PSG8: variants seen among roughly 807,000 people sequenced by gnomAD.
PSG8 encodes pregnancy-specific beta-1-glycoprotein 8.
PSG8 carries 57 observed loss-of-function variants against 42.5 expected under a neutral mutation model. That is an observed-to-expected ratio of 1.34 (90% CI 1.08 to 1.67). The LOEUF is 1.67. Among genes scored for constraint, PSG8 ranks in the 40% most tolerant of loss-of-function variants. The probability of loss-of-function intolerance (pLI) is 0.00; values close to 1 mark genes in which losing one functional copy is unlikely to be tolerated. For synonymous variants in PSG8, 280 were observed against 196.8 expected, an observed-to-expected ratio of 1.42 and a Z score of -3.54; for missense variants, 783 against 518.6, an observed-to-expected ratio of 1.51 and a Z score of -4.95.
At chr19:42,761,606 G>A (rs997368281) in intron 2 of PSG8, among the ~76,000 whole-genome samples, 1 of 151,978 alleles carries the variant, frequency 6.6e-6, no homozygotes, top group African/African-American at 2.4e-5. Context: ...AGATTTAAGG[G>A]CAAACAGATC....
Position 42,763,824 on chromosome 19 carries a change from C to A in PSG8, c.430+92G>T. Reference sequence around the variant, plus strand: ...GCATGGGACATAATGCAGAGAGGGACACAGGCAATGTCCAGGCCTGACAAT... The same window carrying A: ...GCATGGGACATAATGCAGAGAGGGAAACAGGCAATGTCCAGGCCTGACAAT... On this transcript the variant is annotated intron_variant, in intron 2 of 4. Transcript: ENST00000306511. The A allele has an allele frequency of 2.0e-5, 32 of 1,601,104 alleles. 1 individual carries two copies. Among genetic ancestry groups the A allele is most frequent in the Non-Finnish European group, 2.7e-5 (32 of 1,168,766 alleles).
At chr19:42,760,436 A>C (rs1330877725) in intron 2 of PSG8, among the ~76,000 whole-genome samples, 2 of 152,130 alleles carry the variant, frequency 1.3e-5, no homozygotes, top group Non-Finnish European at 2.9e-5. Flanking sequence ...TGAAGTTGAA[A>C]TGTTGTTCCA....
Position 42,765,613 on chromosome 19 carries a change from G to T in PSG8, c.-32C>A. ...TGCTGTCTGTGTGTTCTCCTCTGTG[G>T]AGATGAGCCTAGGATCCAGAAGCTT... On this transcript the variant is annotated 5_prime_UTR_variant, in exon 1 of 5. Coordinates refer to ENST00000306511, the MANE Select transcript of PSG8 (RefSeq NM_182707.3). 1 of 1,606,530 alleles carries T rather than the reference G, an allele frequency of 6.2e-7. No individual in the cohort carries two copies. Among genetic ancestry groups the T allele is most frequent in the Non-Finnish European group, 8.5e-7 (1 of 1,175,106 alleles).
chr19:42,756,998 G>A (rs574860147), intron 3 of PSG8, among the ~76,000 whole-genome samples: 21 of 151,786 alleles, frequency 1.4e-4, no homozygotes, highest in South Asian at 1.3e-3. Context: ...TATTGATATC[G>A]TCTTTAACTT....
chr19:42,757,205 T>C (rs1600409696), intron 3 of PSG8, among the ~76,000 whole-genome samples: 1 of 152,012 alleles, frequency 6.6e-6, no homozygotes, highest in Non-Finnish European at 1.5e-5. Flanking sequence ...AAGCTGGTGG[T>C]TTTGGAGCAG....
rs766609445 is a variant in PSG8 at position 42,757,997 on chromosome 19, C to G, written c.709+5G>C. On this transcript the variant is annotated splice_donor_5th_base_variant and intron_variant, in intron 3 of 4. Coordinates refer to ENST00000306511, the MANE Select transcript of PSG8 (RefSeq NM_182707.3). The stretch of plus-strand genomic sequence containing the variant: ...CTGGCTCACAGAGGAACAGAAAATA[C>G]TCACGGAGGAGATTCAGGGTGAATG... 2.2e-5 allele frequency: 35 copies of G among 1,613,836 alleles called. No individual in the cohort carries two copies. The highest frequency in any genetic ancestry group is 8.3e-5 in the Admixed American group (5 of 59,978).
chr19:42,760,149 A>G (rs555022698), intron 2 of PSG8, among the ~76,000 whole-genome samples: 1 of 152,202 alleles, frequency 6.6e-6, no homozygotes, highest in Non-Finnish European at 1.5e-5. Flanking sequence ...ACACCACTAG[A>G]GTTTAAGTTT....
rs1227923321 is a variant in PSG8 at position 42,763,933 on chromosome 19, A to G, written c.413T>C (p.Phe138Ser). Reference protein sequence around the residue: ...GDENRGVTGHFTFTLYLETPK... With the variant: ...GDENRGVTGHSTFTLYLETPK... Reference sequence around the variant, plus strand: ...TCACTCACGATATAAGGTGAAGGTGAAATGTCCAGTTACTCCTCTATTCTC... The same window carrying G: ...TCACTCACGATATAAGGTGAAGGTGGAATGTCCAGTTACTCCTCTATTCTC... The change falls in exon 2 of 5, where the codon TTC (phenylalanine) becomes TCC (serine). Residue 138 changes from phenylalanine (F) to serine (S), a missense_variant. Transcript: ENST00000306511. 1.2e-6 allele frequency: 2 copies of G among 1,613,702 alleles called. No individual in the cohort carries two copies. The highest frequency in any genetic ancestry group is 1.7e-6 in the Non-Finnish European group (2 of 1,179,776).
intron 2 of PSG8, among the ~76,000 whole-genome samples, chr19:42,759,698 A>G (rs891181636): frequency 2.0e-5 from 3 of 152,076 alleles, no homozygotes; most frequent in African/African-American, 7.2e-5. Flanking sequence ...AGGAGTTTAG[A>G]CCTCATGTTA....
chr19:42,760,042 TC>T (rs1238652154), intron 2 of PSG8, among the ~76,000 whole-genome samples: 1 of 152,152 alleles, frequency 6.6e-6, no homozygotes, highest in Admixed American at 6.5e-5. Context: ...TAGAAAGAAC[TC>T]CCTGCTTCTA....
intron 3 of PSG8, among the ~76,000 whole-genome samples, chr19:42,757,631 T>G (rs1279860990): frequency 4.6e-5 from 7 of 152,064 alleles, no homozygotes; most frequent in Non-Finnish European, 1.5e-5. Flanking sequence ...AGGCGATATT[T>G]TCAGAGGGAA....
chr19:42,760,965 G>C (rs1970058530), intron 2 of PSG8, among the ~76,000 whole-genome samples: 1 of 152,130 alleles, frequency 6.6e-6, no homozygotes, highest in Non-Finnish European at 1.5e-5. Context: ...TTTCAAGCTT[G>C]TTATATGCCT....
At chr19:42,758,780 G>C (rs1182111515) in intron 2 of PSG8, 1 of 169,750 alleles carries the variant, frequency 5.9e-6, no homozygotes, top group Non-Finnish European at 1.3e-5. Flanking sequence ...CTGGGACTGG[G>C]TACTTCAGCA....
downstream of PSG8, chr19:42,754,052 A>G: frequency 9.5e-7 from 1 of 1,055,796 alleles, no homozygotes; most frequent in South Asian, 1.5e-5. Flanking sequence ...AAATTTTCAA[A>G]TGAAAATCAT....
intron 3 of PSG8, among the ~76,000 whole-genome samples, chr19:42,756,950 G>A (rs1969942019): frequency 6.6e-6 from 1 of 151,792 alleles, no homozygotes; most frequent in Admixed American, 6.6e-5. Flanking sequence ...TAACAATATT[G>A]ATTCCTCCAA....
At chr19:42,753,941 C>A, downstream of PSG8, 1 of 558,932 alleles carries the variant, frequency 1.8e-6, no homozygotes, top group South Asian at 1.6e-5. Flanking sequence ...AATTACAGTT[C>A]AATAAACTGC....
At chr19:42,756,657 A>T (rs1281761454) in intron 3 of PSG8, among the ~76,000 whole-genome samples, 1 of 151,892 alleles carries the variant, frequency 6.6e-6, no homozygotes, top group Non-Finnish European at 1.5e-5. Flanking sequence ...TAGCTTGGTG[A>T]TTAGTTTTCG....
chr19:42,763,641 G>T (rs1421865404), intron 2 of PSG8: 2 of 594,640 alleles, frequency 3.4e-6, no homozygotes, highest in African/African-American at 3.8e-5. Context: ...GAGGGCATGA[G>T]GTGCTTGTCT....
At chr19:42,763,432 C>T (rs1444591828) in intron 2 of PSG8, among the ~76,000 whole-genome samples, 38 of 152,238 alleles carry the variant, frequency 2.5e-4, no homozygotes, top group Middle Eastern at 3.4e-3. Context: ...GGTAAATCCT[C>T]GGTCCCAGTA....
Sources: allele counts gnomAD v4.1 joint callset (sites outside exome capture counted in the v4.1 genomes callset), GRCh38; gene constraint gnomAD v4.1.1; transcripts MANE v1.5; gene names NCBI Gene and HGNC (gene_info 2026-07-23, HGNC 2026-07-21).